Variants in SGCZ observed in about 807,000 individuals in gnomAD.
SGCZ encodes zeta-sarcoglycan.
SGCZ carries 40 observed loss-of-function variants against 41.3 expected under a neutral mutation model. The ratio of observed to expected loss-of-function variants is 0.97; its 90% CI spans 0.75 to 1.26. The LOEUF is 1.26. SGCZ is among the 50% of genes most tolerant of loss of function. SGCZ has a pLI of 0.00. For missense variants in SGCZ, 552 were observed against 369.8 expected, an observed-to-expected ratio of 1.49 and a Z score of -4.04; for synonymous variants, 206 against 137.5, an observed-to-expected ratio of 1.50 and a Z score of -3.49.
chr8:15,112,675 G>A (rs1363152382), intron 1 of SGCZ, among the ~76,000 whole-genome samples: 1 of 152,176 alleles, frequency 6.6e-6, no homozygotes, highest in Non-Finnish European at 1.5e-5. Context: ...AGTCCAAGTA[G>A]CTCACTGGAG....
At chr8:14,236,753 G>A (rs939585020) in intron 4 of SGCZ, among the ~76,000 whole-genome samples, 3 of 151,410 alleles carry the variant, frequency 2.0e-5, no homozygotes, top group Non-Finnish European at 4.4e-5. Context: ...CCAATACAGT[G>A]TTACAAAAAT....
chr8:14,127,627 T>C (rs1207225305), intron 5 of SGCZ, among the ~76,000 whole-genome samples: 1 of 151,956 alleles, frequency 6.6e-6, no homozygotes, highest in East Asian at 1.9e-4. Context: ...GGCTAATTTT[T>C]TGTATTTTTT....
intron 1 of SGCZ, among the ~76,000 whole-genome samples, chr8:15,096,266 T>C (rs1041205413): frequency 7.9e-5 from 12 of 151,594 alleles, no homozygotes; most frequent in Non-Finnish European, 1.6e-4. Context: ...TTTTTTTTTT[T>C]CAGTAGAGAT....
intron 1 of SGCZ, among the ~76,000 whole-genome samples, chr8:15,090,715 T>C (rs984965760): frequency 6.6e-6 from 1 of 152,134 alleles, no homozygotes; most frequent in African/African-American, 2.4e-5. Flanking sequence ...AGCAAATAGA[T>C]GGTTAATGAT....
chr8:14,256,463 T>G (rs1486677597), intron 3 of SGCZ, among the ~76,000 whole-genome samples: 2 of 152,110 alleles, frequency 1.3e-5, no homozygotes, highest in Admixed American at 6.6e-5. Context: ...TTTCAGCTCC[T>G]TCAGAATAAC....
At chr8:14,192,910 T>G (rs899600690) in intron 4 of SGCZ, among the ~76,000 whole-genome samples, 1 of 152,092 alleles carries the variant, frequency 6.6e-6, no homozygotes, top group African/African-American at 2.4e-5. Flanking sequence ...ATTATATGTT[T>G]ATGATTGGTG....
chr8:14,353,175 T>TAG (rs1305753268), intron 2 of SGCZ, among the ~76,000 whole-genome samples: 1 of 130,062 alleles, frequency 7.7e-6, no homozygotes, highest in African/African-American at 4.6e-5. Flanking sequence ...AAATACCATC[T>TAG]GTTCCTCTTC....
chr8:15,089,236 C>A (rs564056928), intron 1 of SGCZ, among the ~76,000 whole-genome samples: 2 of 152,186 alleles, frequency 1.3e-5, no homozygotes, highest in Non-Finnish European at 2.9e-5. Context: ...AGTTAATATT[C>A]ATTTCTTTGA....
chr8:14,262,818 A>AG (rs1378604527), intron 3 of SGCZ, among the ~76,000 whole-genome samples: 93 of 145,260 alleles, frequency 6.4e-4, no homozygotes, highest in East Asian at 4.9e-3. Flanking sequence ...TAATACTTCA[A>AG]GAAAAAAAAA....
intron 1 of SGCZ, among the ~76,000 whole-genome samples, chr8:15,186,610 GA>G (rs1209720210): frequency 6.6e-6 from 1 of 152,120 alleles, no homozygotes; most frequent in East Asian, 1.9e-4. Flanking sequence ...ATCTTCAAAA[GA>G]TGGCATTAAA....
intron 3 of SGCZ, among the ~76,000 whole-genome samples, chr8:14,267,230 T>C (rs1482839211): frequency 6.6e-6 from 1 of 152,026 alleles, no homozygotes; most frequent in African/African-American, 2.4e-5. Flanking sequence ...TGTATATCCA[T>C]CAAGTGACAG....
intron 1 of SGCZ, among the ~76,000 whole-genome samples, chr8:15,180,742 C>T (rs966368591): frequency 1.6e-4 from 24 of 148,648 alleles, no homozygotes; most frequent in Admixed American, 4.7e-4. Context: ...ACAAAATTAG[C>T]CGGGCATGGT....
chr8:14,120,633 G>C (rs946199643), intron 5 of SGCZ, among the ~76,000 whole-genome samples: 1 of 151,692 alleles, frequency 6.6e-6, no homozygotes, highest in Non-Finnish European at 1.5e-5. Context: ...ATAAAATATG[G>C]TTTTCTATAG....
At chr8:15,063,887 T>C (rs1805028141) in intron 1 of SGCZ, among the ~76,000 whole-genome samples, 1 of 152,188 alleles carries the variant, frequency 6.6e-6, no homozygotes, top group Non-Finnish European at 1.5e-5. Flanking sequence ...ATTTCATGCC[T>C]AAGGCTTACA....
At chr8:14,908,784 C>T (rs1010338869) in intron 1 of SGCZ, among the ~76,000 whole-genome samples, 1 of 149,418 alleles carries the variant, frequency 6.7e-6, no homozygotes, top group African/African-American at 2.5e-5. Flanking sequence ...TTCAGAGAAC[C>T]TAATTCACTA....
At chr8:15,144,870 C>A (rs1023336370) in intron 1 of SGCZ, among the ~76,000 whole-genome samples, 2 of 152,162 alleles carry the variant, frequency 1.3e-5, no homozygotes, top group African/African-American at 2.4e-5. Flanking sequence ...TCCGGTGTAC[C>A]GTACCACATA....
At chr8:14,839,189 T>C (rs1295810861) in intron 1 of SGCZ, among the ~76,000 whole-genome samples, 1 of 152,066 alleles carries the variant, frequency 6.6e-6, no homozygotes, top group Non-Finnish European at 1.5e-5. Context: ...AGCGGGGTGA[T>C]ATATTTTGAA....
At chr8:15,055,366 C>T (rs1024603576) in intron 1 of SGCZ, among the ~76,000 whole-genome samples, 9 of 152,048 alleles carry the variant, frequency 5.9e-5, no homozygotes, top group African/African-American at 2.2e-4. Context: ...TTTTTGTTAT[C>T]CTTTCATAGT....
intron 5 of SGCZ, among the ~76,000 whole-genome samples, chr8:14,147,193 A>T (rs1239403953): frequency 1.3e-5 from 2 of 152,108 alleles, no homozygotes; most frequent in East Asian, 3.9e-4. Flanking sequence ...AGACAGGAAG[A>T]AAAGTAGGAA....
Sources: gnomAD v4.1 joint callset for allele counts (sites outside exome capture counted in the v4.1 genomes callset) on GRCh38, gnomAD v4.1.1 for gene constraint, MANE v1.5 for transcripts, NCBI Gene and HGNC (gene_info 2026-07-23, HGNC 2026-07-21) for gene names.